The following NNT variants were observed in gnomAD, a reference collection of about 807,000 sequenced individuals.
NNT encodes the protein nicotinamide nucleotide transhydrogenase.
Under a neutral mutation model 104.8 loss-of-function variants are expected in NNT, and 50 were observed. The observed-to-expected ratio is 0.48, with a 90% CI of 0.38 to 0.60. The LOEUF is 0.60. Among genes scored for constraint, NNT ranks in the 20% least tolerant of loss-of-function variants. The pLI is 0.00. For synonymous variants in NNT, 461 were observed against 490.4 expected (o/e 0.94, Z 0.79); for missense variants, 1,131 against 1,330.7 (o/e 0.85, Z 2.33).
intron 3 of NNT, chr5:43,613,425 G>C: frequency 3.1e-6 from 1 of 319,176 alleles, no homozygotes; most frequent in East Asian, 6.8e-5. Context: ...GTTCTACATG[G>C]TCCATATATA....
intron 5 of NNT, 93 bp from the exon 6 acceptor site, chr5:43,623,939 T>C: frequency 3.4e-6 from 4 of 1,191,500 alleles, no homozygotes; most frequent in Non-Finnish European, 5.0e-6. Context: ...TTATTGATGC[T>C]AAACTTATAC....
At chr5:43,610,254 A>G (rs544511147) in intron 2 of NNT, among the ~76,000 whole-genome samples, 1 of 150,914 alleles carries the variant, frequency 6.6e-6, no homozygotes, top group African/African-American at 2.4e-5. Context: ...GCAAAGAGCG[A>G]AAGAACAAAG....
chr5:43,666,801 G>C, intron 17 of NNT: 2 of 1,319,430 alleles, frequency 1.5e-6, no homozygotes, highest in East Asian at 2.3e-5. Context: ...CGGTACCTTT[G>C]GGAGCCTGAG....
intron 1 of NNT, among the ~76,000 whole-genome samples, chr5:43,604,795 C>T (rs1193019746): frequency 1.3e-5 from 2 of 152,144 alleles, no homozygotes; most frequent in African/African-American, 4.8e-5. Context: ...CCTCAGACTC[C>T]CAAGTAGCTG....
At chr5:43,629,077 G>T (rs1016900014) in intron 7 of NNT, among the ~76,000 whole-genome samples, 5 of 152,040 alleles carry the variant, frequency 3.3e-5, no homozygotes, top group African/African-American at 1.2e-4. Context: ...CTTTAGTGGT[G>T]ATTTCTGAGA....
chr5:43,660,548 A>G (rs1295074497), intron 17 of NNT, among the ~76,000 whole-genome samples: 3 of 152,220 alleles, frequency 2.0e-5, no homozygotes, highest in African/African-American at 7.2e-5. Context: ...GTATTAGTCC[A>G]TTCTCACACT....
intron 19 of NNT, among the ~76,000 whole-genome samples, chr5:43,689,720 A>G (rs1742165471): frequency 6.6e-6 from 1 of 152,210 alleles, no homozygotes; most frequent in Admixed American, 6.5e-5. Flanking sequence ...CTAATCAAGG[A>G]GGCACCAGAG....
intron 17 of NNT, among the ~76,000 whole-genome samples, chr5:43,672,606 G>C (rs1000893180): frequency 6.6e-6 from 1 of 152,078 alleles, no homozygotes; most frequent in East Asian, 1.9e-4. Flanking sequence ...CGCGAATATT[G>C]CTGAAAAGCA....
In NNT at chr5:43,659,595, G is replaced by A. The variant is rs369601136; in HGVS notation, c.2634+245G>A. Among the ~76,000 whole-genome samples, 103 of 152,168 alleles carry A rather than the reference G, an allele frequency of 6.8e-4. 1 individual carries two copies. The East Asian group carries it at 0.016, about 24-fold the overall frequency. ...AATACAAAAATTAGCCAGGCGTGGT[G>A]GTGGGTGCCTGTAATCCCAGCTACT... is the stretch of plus-strand genomic sequence containing the variant. On this transcript the variant is annotated intron_variant, in intron 17 of 21. Coordinates refer to ENST00000344920, the MANE Select transcript of NNT (RefSeq NM_182977.3).
At chr5:43,647,782 G>A in intron 10 of NNT, 1 of 355,690 alleles carries the variant, frequency 2.8e-6, no homozygotes, top group South Asian at 2.3e-5. Flanking sequence ...TTGTGATAAG[G>A]TAGTGCTTCT....
At chr5:43,632,739 G>C (rs796155801) in intron 7 of NNT, among the ~76,000 whole-genome samples, 1 of 152,292 alleles carries the variant, frequency 6.6e-6, no homozygotes, top group African/African-American at 2.4e-5. Context: ...TAAAAAGTAA[G>C]GCAGCCCTGC....
rs1011768290 is a variant in NNT, at chr5:43,619,152, T to C, written c.687+33T>C. 3.9e-6 allele frequency: 5 copies of C among 1,297,634 alleles called. No homozygotes were observed. In the African/African-American group the frequency reaches 4.5e-5, roughly 12 times the overall value. The allele number at this position is 1,297,634 out of a possible 1,614,324, so 80.4% of individuals were successfully genotyped here. On this transcript the variant is annotated intron_variant, in intron 5 of 21. Transcript: ENST00000344920. ...CAACTTTTAATGTTTCTTTATAATA[T>C]GCATTGATTAAAGGAAAGGGTATGT...
At chr5:43,632,194 G>A (rs369719178) in intron 7 of NNT, among the ~76,000 whole-genome samples, 1 of 152,122 alleles carries the variant, frequency 6.6e-6, no homozygotes, top group African/African-American at 2.4e-5. Context: ...GCCTTTGCCT[G>A]GGTCCCCTGA....
chr5:43,698,804 G>A (rs1345918345), intron 19 of NNT, among the ~76,000 whole-genome samples: 1 of 150,896 alleles, frequency 6.6e-6, no homozygotes, highest in African/African-American at 2.4e-5. Context: ...ATTACTATAT[G>A]AATATATATG....
chr5:43,616,727 T>C (rs956215656), intron 4 of NNT, among the ~76,000 whole-genome samples: 9 of 152,154 alleles, frequency 5.9e-5, no homozygotes, highest in African/African-American at 2.2e-4. Flanking sequence ...AATGTGGCTA[T>C]GATTGAGTAA....
At chr5:43,650,381 C>G in intron 11 of NNT, 96 bp from the exon 12 acceptor site, 1 of 817,506 alleles carries the variant, frequency 1.2e-6, no homozygotes, top group Non-Finnish European at 2.0e-6. Flanking sequence ...GAGAACTTTA[C>G]CCTCTATGAA....
At chr5:43,603,694 G>GGA in intron 1 of NNT, among the ~76,000 whole-genome samples, 1 of 152,238 alleles carries the variant, frequency 6.6e-6, no homozygotes, top group Middle Eastern at 3.4e-3. Context: ...CGGGGGTGGT[G>GGA]GAGAGGGAGG....
At chr5:43,605,522 CAAAAAAAAAAAAAA>C (rs70997416) in intron 1 of NNT, among the ~76,000 whole-genome samples, 2 of 37,762 alleles carry the variant, frequency 5.3e-5, no homozygotes, top group African/African-American at 2.0e-4. Context: ...GACTCCGTCT[CAAAAAAAAAAAAAA>C]AAAAAAAAAA....
chr5:43,690,726 G>T (rs542125825), intron 19 of NNT, among the ~76,000 whole-genome samples: 1 of 151,754 alleles, frequency 6.6e-6, no homozygotes, highest in South Asian at 2.1e-4. Context: ...CTTCCATAAT[G>T]GTCTTGATCA....
Sources: gnomAD v4.1 joint callset for allele counts (sites outside exome capture counted in the v4.1 genomes callset) on GRCh38, gnomAD v4.1.1 for gene constraint, MANE v1.5 for transcripts, NCBI Gene and HGNC (gene_info 2026-07-23, HGNC 2026-07-21) for gene names.